The following RARB variants were observed in gnomAD, a reference collection of about 807,000 sequenced individuals.
RARB encodes HBV-activated protein.
Under a neutral mutation model 51.9 loss-of-function variants are expected in RARB, and 17 were observed. The observed-to-expected ratio is 0.33, with a 90% CI of 0.22 to 0.49. The LOEUF is 0.49. Among genes scored for constraint, RARB ranks in the 20% least tolerant of loss-of-function variants. The pLI is 0.99. For synonymous variants in RARB, 215 were observed against 195.4 expected (o/e 1.10, Z -0.84); for missense variants, 369 against 550.8 (o/e 0.67, Z 3.30).
At chr3:25,053,660 T>A (rs561779709) in intron 2 of RARB, among the ~76,000 whole-genome samples, 35 of 152,338 alleles carry the variant, frequency 2.3e-4, no homozygotes, top group Middle Eastern at 3.4e-3. Flanking sequence ...CCAATAAATA[T>A]AGCCCATGTG....
At position 25,234,913 on chromosome 3, in the gene RARB, C is replaced by G. The variant is rs558691186; in HGVS notation, c.178+60338C>G. Among the ~76,000 whole-genome samples, 3 of 152,242 alleles carry G rather than the reference C, an allele frequency of 2.0e-5. No individual in the cohort carries two copies. The South Asian group carries it at 6.2e-4, about 32-fold the overall frequency. On this transcript the variant is annotated intron_variant, in intron 5 of 11. Transcript: ENST00000383772. Reference sequence around the variant, plus strand: ...CCCATGCTACTTGCTGCTGTCACCACCACATCAACACGATTTTATGACTGG... The same window carrying G: ...CCCATGCTACTTGCTGCTGTCACCAGCACATCAACACGATTTTATGACTGG...
chr3:24,858,227 GT>G (rs892365231), intron 1 of RARB, among the ~76,000 whole-genome samples: 298 of 149,780 alleles, frequency 2.0e-3, no homozygotes, highest in African/African-American at 6.7e-3. Flanking sequence ...ATTACAACAT[GT>G]TTTTTTTTTC....
At chr3:25,070,276 G>A (rs182843117) in intron 3 of RARB, among the ~76,000 whole-genome samples, 63 of 152,246 alleles carry the variant, frequency 4.1e-4, no homozygotes, top group Admixed American at 3.9e-3. Flanking sequence ...AATTACATCT[G>A]CATCAACCCT....
At chr3:25,215,762 T>TG (rs1486094965) in intron 5 of RARB, among the ~76,000 whole-genome samples, 1 of 152,038 alleles carries the variant, frequency 6.6e-6, no homozygotes, top group Non-Finnish European at 1.5e-5. Flanking sequence ...CATTCAAAAG[T>TG]GGAAAAAATA....
chr3:25,334,172 T>G (rs954816688), intron 5 of RARB, among the ~76,000 whole-genome samples: 1 of 152,210 alleles, frequency 6.6e-6, no homozygotes, highest in Non-Finnish European at 1.5e-5. Context: ...GTCATCCTAT[T>G]ACTGGGTATA....
intron 2 of RARB, among the ~76,000 whole-genome samples, chr3:25,484,764 C>G (rs1261649972): frequency 6.6e-6 from 1 of 152,056 alleles, no homozygotes; most frequent in African/African-American, 2.4e-5. Context: ...CTATTTGGCC[C>G]TTTATAGAAA....
intron 3 of RARB, among the ~76,000 whole-genome samples, chr3:25,525,897 G>C (rs1452152013): frequency 6.6e-6 from 1 of 152,184 alleles, no homozygotes; most frequent in African/African-American, 2.4e-5. Context: ...AAGTGTTCCA[G>C]GCAGAGAACA....
chr3:25,425,293 G>A (rs996584112), upstream of RARB, among the ~76,000 whole-genome samples: 2 of 152,184 alleles, frequency 1.3e-5, no homozygotes, highest in East Asian at 3.9e-4. Context: ...AAGAATTATG[G>A]CTTATTTATG....
chr3:25,120,823 C>T (rs555161459), intron 3 of RARB, among the ~76,000 whole-genome samples: 14 of 152,150 alleles, frequency 9.2e-5, no homozygotes, highest in African/African-American at 1.9e-4. Flanking sequence ...GCCCTTTGGC[C>T]GAATCTAGCT....
At chr3:25,350,542 T>A (rs930234431) in intron 5 of RARB, among the ~76,000 whole-genome samples, 1 of 152,200 alleles carries the variant, frequency 6.6e-6, no homozygotes, top group African/African-American at 2.4e-5. Flanking sequence ...TCCTTTTTTC[T>A]TCATAGCACT....
chr3:25,166,067 G>T (rs913200153), intron 4 of RARB, among the ~76,000 whole-genome samples: 1 of 151,826 alleles, frequency 6.6e-6, no homozygotes, highest in Non-Finnish European at 1.5e-5. Context: ...CCCTCACTCG[G>T]TGGTCTAAGA....
At chr3:25,029,837 G>A (rs1387127957) in intron 2 of RARB, among the ~76,000 whole-genome samples, 1 of 152,232 alleles carries the variant, frequency 6.6e-6, no homozygotes, top group East Asian at 1.9e-4. Context: ...ATGGGACAGA[G>A]TAGAAGTCAG....
chr3:25,221,732 A>G (rs1390329906), intron 5 of RARB, among the ~76,000 whole-genome samples: 25 of 152,182 alleles, frequency 1.6e-4, no homozygotes, highest in Non-Finnish European at 1.5e-5. Flanking sequence ...CTTGATTGAC[A>G]CAAGCTCTCA....
chr3:24,894,539 A>G (rs1703443220), intron 2 of RARB, among the ~76,000 whole-genome samples: 1 of 151,958 alleles, frequency 6.6e-6, no homozygotes, highest in South Asian at 2.1e-4. Context: ...GGTTTATTCC[A>G]TGTCTTTGCT....
chr3:24,838,895 T>C (rs957556557), intron 1 of RARB, among the ~76,000 whole-genome samples: 9 of 151,072 alleles, frequency 6.0e-5, no homozygotes, highest in Non-Finnish European at 1.2e-4. Flanking sequence ...TGAATTTTTA[T>C]GTGACTCTGG....
At chr3:24,997,523 T>G (rs1398156688) in intron 2 of RARB, among the ~76,000 whole-genome samples, 1 of 152,062 alleles carries the variant, frequency 6.6e-6, no homozygotes, top group Non-Finnish European at 1.5e-5. Flanking sequence ...ATTCCTTAAT[T>G]TCTTATTGTT....
intron 2 of RARB, among the ~76,000 whole-genome samples, chr3:24,882,025 A>G (rs959162872): frequency 6.6e-6 from 1 of 152,204 alleles, no homozygotes; most frequent in Non-Finnish European, 1.5e-5. Context: ...TGCCATAACA[A>G]TGAAAAATTG....
intron 1 of RARB, among the ~76,000 whole-genome samples, chr3:25,456,342 T>TG (rs33998569): frequency 6.6e-6 from 1 of 152,064 alleles, no homozygotes; most frequent in Non-Finnish European, 1.5e-5. Context: ...CTGACTTTCT[T>TG]GGGGGGTGGA....
At chr3:25,376,546 T>C (rs1306528704) in intron 5 of RARB, among the ~76,000 whole-genome samples, 1 of 152,214 alleles carries the variant, frequency 6.6e-6, no homozygotes, top group African/African-American at 2.4e-5. Flanking sequence ...AGTAGTAGAT[T>C]TTTAAACTTG....
Sources: gnomAD v4.1 joint callset for allele counts (sites outside exome capture counted in the v4.1 genomes callset) on GRCh38, gnomAD v4.1.1 for gene constraint, MANE v1.5 for transcripts, NCBI Gene and HGNC (gene_info 2026-07-23, HGNC 2026-07-21) for gene names.